GOLGA3: variants seen among roughly 807,000 people sequenced by gnomAD.
GOLGA3 encodes the protein golgin A3, also known as golgin subfamily A member 3.
A neutral mutation model predicts 169.4 loss-of-function variants in GOLGA3; 75 were observed. That is an observed-to-expected ratio of 0.44 (90% CI 0.37 to 0.54). The LOEUF (loss-of-function observed/expected upper bound fraction) is 0.54. GOLGA3 is among the 20% of genes least tolerant of loss of function. The probability of loss-of-function intolerance (pLI) is 0.00; values close to 1 mark genes in which losing one functional copy is unlikely to be tolerated. For synonymous variants in GOLGA3, 824 were observed against 822.4 expected (o/e 1.00, Z -0.03); for missense variants, 1,899 against 1,930.0 (o/e 0.98, Z 0.30).
At chr12:132,778,214 T>C (rs1260041668) in intron 18 of GOLGA3, among the ~76,000 whole-genome samples, 1 of 152,176 alleles carries the variant, frequency 6.6e-6, no homozygotes, top group African/African-American at 2.4e-5. Flanking sequence ...AGTTCCAGGC[T>C]GCAGGGGAGC....
rs1273337550 is a variant in GOLGA3 at position 132,804,056 on chromosome 12, T to C, written c.1597+660A>G. Among the ~76,000 whole-genome samples the C allele has an allele frequency of 6.6e-6, 1 of 151,002 alleles. No individual in the cohort carries two copies. The highest frequency in any genetic ancestry group is 6.6e-5 in the Admixed American group (1 of 15,144). On this transcript the variant is annotated intron_variant, in intron 7 of 23. Transcript: ENST00000450791. The surrounding 1 kb of genome is among the most constrained non-coding windows in gnomAD (Gnocchi z 4.1). ...CTGGCCCGGGCGGGGACTGAGGGGG[T>C]GGAAGGCGTGCTGCCAAGCCACATG... is the stretch of plus-strand genomic sequence containing the variant.
At chr12:132,775,071 T>C (rs754535978) in intron 22 of GOLGA3, 70 bp downstream of exon 22, 20 of 1,385,866 alleles carry the variant, frequency 1.4e-5, no homozygotes. Context: ...CTAACACGTC[T>C]GCCAGCCTCC....
intron 1 of GOLGA3, chr12:132,826,151 G>A (rs1406952038): frequency 6.3e-7 from 1 of 1,595,466 alleles, no homozygotes; most frequent in Non-Finnish European, 8.6e-7. Flanking sequence ...GGTCACCAAG[G>A]CTGCCAGCAC....
At chr12:132,785,134 A>G (rs529082896) in intron 15 of GOLGA3, among the ~76,000 whole-genome samples, 17 of 152,364 alleles carry the variant, frequency 1.1e-4, no homozygotes, top group South Asian at 8.3e-4. Flanking sequence ...CCGGACGGAC[A>G]CAAGACATCG....
chr12:132,816,512 TG>T, intron 3 of GOLGA3, 27 bp downstream of exon 3: 1 of 1,603,090 alleles, frequency 6.2e-7, no homozygotes, highest in Admixed American at 1.7e-5. Flanking sequence ...ACGTGGAGGG[TG>T]GGAAAAGCGG....
chr12:132,800,297 G>A (rs1056765076), intron 8 of GOLGA3, among the ~76,000 whole-genome samples: 9 of 152,076 alleles, frequency 5.9e-5, no homozygotes, highest in African/African-American at 1.7e-4. Context: ...AGTTCAAGAC[G>A]AGCTTGGCCA....
At position 132,805,131 on chromosome 12, in the gene GOLGA3, C is replaced by T. The variant is rs528417036; in HGVS notation, c.1291-109G>A. ...TCAGTCAGGGCCTGACAGGGGACCC[C>T]GAGACCCCCAGGCGCTCTCCCAAGG... is the stretch of plus-strand genomic sequence containing the variant. On this transcript the variant is annotated intron_variant, in intron 6 of 23. Coordinates refer to ENST00000450791, the MANE Select transcript of GOLGA3 (RefSeq NM_001389683.1). The T allele has an allele frequency of 2.3e-5, 29 of 1,249,144 alleles. No homozygotes were observed. The African/African-American group carries it at 3.4e-4, about 15-fold the overall frequency. 77.4% of individuals were successfully genotyped at this position (1,249,144 alleles called of 1,614,324 possible).
At chr12:132,788,754 G>C (rs1187285752) in intron 13 of GOLGA3, among the ~76,000 whole-genome samples, 1 of 152,100 alleles carries the variant, frequency 6.6e-6, no homozygotes, top group Non-Finnish European at 1.5e-5. Flanking sequence ...TGCCTCACGG[G>C]GCCTCCTCAC....
intron 6 of GOLGA3, among the ~76,000 whole-genome samples, 176 bp from the exon 7 acceptor site, chr12:132,805,198 C>A: frequency 7.0e-6 from 1 of 142,336 alleles, no homozygotes; most frequent in Non-Finnish European, 1.5e-5. Flanking sequence ...TCTCCCAAGG[C>A]CTGACAGGGG....
At chr12:132,788,006 C>T (rs1204343073) in intron 13 of GOLGA3, among the ~76,000 whole-genome samples, 1 of 152,150 alleles carries the variant, frequency 6.6e-6, no homozygotes, top group African/African-American at 2.4e-5. Context: ...CTTTCCCCAG[C>T]TCCTGTGTGC....
rs187447868 is a variant in GOLGA3, at chr12:132,826,848, C to T, written c.-184+1955G>A. The stretch of plus-strand genomic sequence containing the variant: ...CTGACAAAAAGCGATCTCCGGGCAG[C>T]GAGGAGGAGGAGCAACTGCCAGTGC... On this transcript the variant is annotated intron_variant, in intron 1 of 23. Coordinates refer to ENST00000450791, the MANE Select transcript of GOLGA3 (RefSeq NM_001389683.1). Among the ~76,000 whole-genome samples the T allele has an allele frequency of 4.2e-3, 637 of 152,108 alleles. 2 individuals carry two copies. The highest frequency in any genetic ancestry group is 7.4e-3 in the Non-Finnish European group (501 of 67,982).
At chr12:132,802,235 C>G (rs1314183233) in intron 7 of GOLGA3, among the ~76,000 whole-genome samples, 2 of 152,284 alleles carry the variant, frequency 1.3e-5, no homozygotes, top group Admixed American at 6.5e-5. Flanking sequence ...TACATAACCT[C>G]TGTTCAGTGT....
intron 4 of GOLGA3, among the ~76,000 whole-genome samples, chr12:132,811,135 T>A (rs1166654916): frequency 6.6e-6 from 1 of 152,196 alleles, no homozygotes; most frequent in Non-Finnish European, 1.5e-5. Context: ...TTGCTTTGTA[T>A]CCAATAAATA....
intron 3 of GOLGA3, 123 bp downstream of exon 3, chr12:132,816,417 A>C (rs1949961320): frequency 1.0e-6 from 1 of 964,286 alleles, no homozygotes; most frequent in Non-Finnish European, 1.6e-6. Context: ...CGTGGGACTC[A>C]GATGGCACAC....
intron 3 of GOLGA3, among the ~76,000 whole-genome samples, chr12:132,816,278 A>G (rs975783428): frequency 6.6e-6 from 1 of 152,272 alleles, no homozygotes; most frequent in African/African-American, 2.4e-5. Context: ...TGGGTGACAC[A>G]GGACATGCAG....
rs552029921 is a variant in GOLGA3, at chr12:132,786,397, G to A, written c.3065C>T (p.Ala1022Val). The A allele has an allele frequency of 2.1e-5, 34 of 1,612,302 alleles. No individual in the cohort carries two copies. The highest frequency in any genetic ancestry group is 5.0e-5 in the Admixed American group (3 of 59,900). ...CTGGGCTCGGAGCTGGCCCAGCTCC[G>A]CGTCCGCAGCCTCCTTGGCCGCGAG... ...EALAAKEAAD[A>V]ELGQLRAQGG... Residue 1022 changes from alanine to valine, a missense_variant, in exon 15 of 24, where the codon GCG becomes GTG. By Grantham distance (64) the Ala-to-Val change is moderately conservative. Coordinates refer to ENST00000450791, the MANE Select transcript of GOLGA3 (RefSeq NM_001389683.1).
intron 22 of GOLGA3, 152 bp downstream of exon 22, chr12:132,774,989 G>A: frequency 3.3e-6 from 2 of 606,920 alleles, no homozygotes. Flanking sequence ...GATTTCATCT[G>A]TCACCCCATT....
At chr12:132,779,850 C>CCCG (rs1396894710) in intron 18 of GOLGA3, among the ~76,000 whole-genome samples, 5 of 103,376 alleles carry the variant, frequency 4.8e-5, no homozygotes, top group South Asian at 4.6e-4. Context: ...GACACCCCCC[C>CCCG]GCGCACATAC....
rs144875803 is a variant in GOLGA3, at chr12:132,813,435, G to A, written c.407-16C>T. On this transcript the variant is annotated splice_polypyrimidine_tract_variant and intron_variant, in intron 3 of 23. Transcript: ENST00000450791. ...TCTGTAGAGCCTGCAGTGGGAAAAG[G>A]GCAATTTGGAAACTCATAAAATACC... 1 of 1,447,952 alleles carries A rather than the reference G, an allele frequency of 6.9e-7. No homozygotes were observed. The highest frequency in any genetic ancestry group is 9.6e-7 in the Non-Finnish European group (1 of 1,042,168). The allele number at this position is 1,447,952 out of a possible 1,614,324, so 89.7% of individuals were successfully genotyped here. A position where few individuals can be genotyped will look rare whatever the true frequency, so the allele number is the denominator to read the frequency against.
Sources: allele counts gnomAD v4.1 joint callset (sites outside exome capture counted in the v4.1 genomes callset), GRCh38; gene constraint gnomAD v4.1.1; non-coding constraint Gnocchi (gnomAD v3.1); transcripts MANE v1.5; gene names NCBI Gene and HGNC (gene_info 2026-07-23, HGNC 2026-07-21).